DPYD: variants seen among roughly 807,000 people sequenced by gnomAD.
DPYD encodes the protein dihydropyrimidine dehydrogenase, also known as dihydropyrimidine dehydrogenase [NADP(+)].
Under a neutral mutation model 116.2 loss-of-function variants are expected in DPYD, and 109 were observed. The ratio of observed to expected loss-of-function variants is 0.94; its 90% confidence interval spans 0.80 to 1.10. DPYD has a LOEUF of 1.10. Ranked by LOEUF, DPYD falls within the 50% of genes least tolerant of loss-of-function variation. DPYD has a pLI of 0.00. For synonymous variants in DPYD, 440 were observed against 432.0 expected, an observed-to-expected ratio of 1.02 and a Z score of -0.23; for missense variants, 1,302 against 1,254.5, an observed-to-expected ratio of 1.04 and a Z score of -0.57.
intron 16 of DPYD, among the ~76,000 whole-genome samples, chr1:97,368,865 T>A (rs1671173172): frequency 1.3e-5 from 2 of 152,226 alleles, no homozygotes; most frequent in African/African-American, 4.8e-5. Flanking sequence ...TTGTTATTGT[T>A]GCATGACAAT....
chr1:97,787,371 G>T (rs1351738696), intron 3 of DPYD, among the ~76,000 whole-genome samples: 1 of 152,180 alleles, frequency 6.6e-6, no homozygotes, highest in Non-Finnish European at 1.5e-5. Context: ...GTTTCAAGAT[G>T]CTATATCACA....
rs967234425 is a variant in DPYD, at chr1:97,756,859, T to C, written c.234-16380A>G. ...CTTTCAATTTTCCTGCCTTTACTTT[T>C]GCTTTTCCCTCAATAGAAATGCGTG... On this transcript the variant is annotated intron_variant, in intron 3 of 22. Transcript: ENST00000370192. Among the ~76,000 whole-genome samples, 4 of 152,176 alleles carry C rather than the reference T, an allele frequency of 2.6e-5. No individual in the cohort carries two copies. In the East Asian group the frequency reaches 7.7e-4, roughly 29 times the overall value.
intron 8 of DPYD, among the ~76,000 whole-genome samples, chr1:97,654,924 G>A (rs1445992071): frequency 2.0e-5 from 3 of 152,116 alleles, no homozygotes; most frequent in Non-Finnish European, 4.4e-5. Context: ...AAGAGAGAAT[G>A]AGAACAAAGA....
intron 2 of DPYD, among the ~76,000 whole-genome samples, chr1:97,874,322 A>G (rs12141657): frequency 0.015 from 2,229 of 152,086 alleles, 23 homozygotes; most frequent in Non-Finnish European, 0.024. Flanking sequence ...CAGATACTCA[A>G]AAATGCTTTG....
At chr1:97,323,759 A>AGTG (rs1668558144) in intron 16 of DPYD, among the ~76,000 whole-genome samples, 1 of 149,696 alleles carries the variant, frequency 6.7e-6, no homozygotes, top group Admixed American at 6.7e-5. Flanking sequence ...TTAAAAACAA[A>AGTG]TCCACAGAGA....
At chr1:97,274,636 A>T (rs1664821236) in intron 18 of DPYD, among the ~76,000 whole-genome samples, 1 of 152,332 alleles carries the variant, frequency 6.6e-6, no homozygotes, top group Middle Eastern at 3.4e-3. Flanking sequence ...TCATGATGAT[A>T]AAGCAGAAAC....
chr1:97,594,941 C>T, intron 9 of DPYD, 118 bp downstream of exon 9: 6 of 537,094 alleles, frequency 1.1e-5, no homozygotes, highest in South Asian at 1.8e-5. Flanking sequence ...ACATTTGGGT[C>T]TTAGGCAAGG....
At chr1:97,862,854 G>A (rs1172931416) in intron 2 of DPYD, among the ~76,000 whole-genome samples, 1 of 151,846 alleles carries the variant, frequency 6.6e-6, no homozygotes, top group Non-Finnish European at 1.5e-5. Flanking sequence ...TCACTACCAT[G>A]TAAGTGAATG....
intron 20 of DPYD, among the ~76,000 whole-genome samples, chr1:97,167,801 T>C (rs1656434996): frequency 6.6e-6 from 1 of 152,146 alleles, no homozygotes; most frequent in South Asian, 2.1e-4. Flanking sequence ...GTAGGGCTTT[T>C]TGTCTGATAG....
chr1:97,600,797 A>G (rs996834240), intron 8 of DPYD, among the ~76,000 whole-genome samples: 1 of 152,200 alleles, frequency 6.6e-6, no homozygotes, highest in Non-Finnish European at 1.5e-5. Context: ...AAGTTAAATG[A>G]TCATCTAATC....
intron 10 of DPYD, among the ~76,000 whole-genome samples, chr1:97,579,853 TC>T (rs1398267186): frequency 6.6e-6 from 1 of 152,240 alleles, no homozygotes; most frequent in Non-Finnish European, 1.5e-5. Context: ...GTTGTCACTT[TC>T]TTTTTACACA....
intron 3 of DPYD, among the ~76,000 whole-genome samples, chr1:97,815,592 G>A (rs1571404878): frequency 6.6e-6 from 1 of 152,216 alleles, no homozygotes; most frequent in African/African-American, 2.4e-5. Flanking sequence ...TCACTGAACA[G>A]ACAGCAAGAG....
At chr1:97,296,438 TA>T (rs1287753602) in intron 18 of DPYD, among the ~76,000 whole-genome samples, 5 of 152,212 alleles carry the variant, frequency 3.3e-5, no homozygotes, top group African/African-American at 9.6e-5. Flanking sequence ...AAAAAAAGAA[TA>T]AAACTGATGA....
intron 2 of DPYD, among the ~76,000 whole-genome samples, chr1:97,852,607 T>C (rs2101570296): frequency 6.6e-6 from 1 of 152,312 alleles, no homozygotes; most frequent in African/African-American, 2.4e-5. Context: ...GTGATTTCCA[T>C]TGTTAAACTG....
At chr1:97,820,439 A>G (rs1489944949) in intron 3 of DPYD, among the ~76,000 whole-genome samples, 1 of 152,188 alleles carries the variant, frequency 6.6e-6, no homozygotes, top group Non-Finnish European at 1.5e-5. Flanking sequence ...GAAGGTAAAG[A>G]AACAATGACA....
chr1:97,189,387 G>A (rs747423695), intron 20 of DPYD, among the ~76,000 whole-genome samples: 3 of 152,070 alleles, frequency 2.0e-5, no homozygotes, highest in Non-Finnish European at 4.4e-5. Flanking sequence ...TTAGTTTTTG[G>A]CCTCTACTGT....
At chr1:97,762,289 C>T (rs1037351271) in intron 3 of DPYD, among the ~76,000 whole-genome samples, 3 of 152,004 alleles carry the variant, frequency 2.0e-5, no homozygotes, top group Non-Finnish European at 2.9e-5. Context: ...ATAAAATGTA[C>T]CACAGAGTGA....
chr1:97,883,394 T>C lies in DPYD; in HGVS notation c.40-20A>G. On this transcript the variant is annotated intron_variant, in intron 1 of 22. Coordinates refer to ENST00000370192, the MANE Select transcript of DPYD (RefSeq NM_000110.4). ...GATACTCTAAAGACAGCATAAACAA[T>C]GTGTAAATATATGGAAATATGTTGG... is the stretch of plus-strand genomic sequence containing the variant. 4 of 1,468,454 alleles carry C rather than the reference T, an allele frequency of 2.7e-6. No individual in the cohort carries two copies. Among genetic ancestry groups the C allele is most frequent in the Non-Finnish European group, 3.8e-6 (4 of 1,047,942 alleles). 91.0% of individuals were successfully genotyped at this position (1,468,454 alleles called of 1,614,324 possible). A position where few individuals can be genotyped will look rare whatever the true frequency, so the allele number is the denominator to read the frequency against.
In DPYD at chr1:97,671,748, ATGTTTAATATAC is replaced by A. The variant is rs551886087; in HGVS notation, c.850+7335_850+7346del. ...TAAAAACCAACACCAACTCTCATAA[ATGTTTAATATAC>A]TGTGTTTGTGTGGGTGACAGGGGAG... is the stretch of plus-strand genomic sequence containing the variant. On this transcript the variant is annotated intron_variant, in intron 8 of 22. Coordinates refer to ENST00000370192, the MANE Select transcript of DPYD (RefSeq NM_000110.4). 4.6e-3 allele frequency among the ~76,000 whole-genome samples: 706 copies of A among 152,154 alleles called. 2 individuals are homozygous for A. The highest frequency in any genetic ancestry group is 6.4e-3 in the Non-Finnish European group (436 of 67,986).
Sources: gnomAD v4.1 joint callset for allele counts (sites outside exome capture counted in the v4.1 genomes callset) on GRCh38, gnomAD v4.1.1 for gene constraint, MANE v1.5 for transcripts, NCBI Gene and HGNC (gene_info 2026-07-23, HGNC 2026-07-21) for gene names.